MALRD1: variants seen among roughly 807,000 people sequenced by gnomAD.
MALRD1 encodes MAM and LDL-receptor class A domain-containing protein 1.
MALRD1 carries 247 observed loss-of-function variants against 242.1 expected under a neutral mutation model. That is an observed-to-expected ratio of 1.02 (90% CI 0.92 to 1.13). MALRD1 has a LOEUF of 1.13. MALRD1 is among the 50% of genes most tolerant of loss of function. The pLI, the probability that MALRD1 is intolerant of heterozygous loss-of-function variation, is 0.00. For missense variants in MALRD1, 2,989 were observed against 2,533.1 expected (o/e 1.18, Z -3.86); for synonymous variants, 995 against 866.6 (o/e 1.15, Z -2.60).
At chr10:19,681,836 G>A (rs1473206553) in intron 36 of MALRD1, among the ~76,000 whole-genome samples, 1 of 145,746 alleles carries the variant, frequency 6.9e-6, no homozygotes, top group Non-Finnish European at 1.5e-5. Context: ...CCTTTGGATG[G>A]GGTTTTTGTG....
At chr10:19,529,757 A>T (rs1049485311) in intron 31 of MALRD1, among the ~76,000 whole-genome samples, 10 of 152,092 alleles carry the variant, frequency 6.6e-5, no homozygotes, top group African/African-American at 2.4e-4. Flanking sequence ...ACACAGATTA[A>T]AAATAAAGGC....
chr10:19,287,649 T>A (rs1438592452), intron 21 of MALRD1, among the ~76,000 whole-genome samples: 1 of 152,134 alleles, frequency 6.6e-6, no homozygotes, highest in African/African-American at 2.4e-5. Flanking sequence ...ATGATTGATA[T>A]TTGGTAATGG....
chr10:19,343,517 C>T (rs1036426066), intron 24 of MALRD1, among the ~76,000 whole-genome samples: 1 of 152,092 alleles, frequency 6.6e-6, no homozygotes, highest in Admixed American at 6.6e-5. Context: ...CATCCCTAAC[C>T]TCAGGAAGCC....
chr10:19,410,000 G>C (rs1833207086), intron 28 of MALRD1, among the ~76,000 whole-genome samples: 1 of 152,058 alleles, frequency 6.6e-6, no homozygotes, highest in African/African-American at 2.4e-5. Flanking sequence ...TGTAAAATCT[G>C]TAGTCCACAA....
At chr10:19,325,538 G>A (rs16918493) in intron 22 of MALRD1, among the ~76,000 whole-genome samples, 20,608 of 151,802 alleles carry the variant, frequency 0.14, 1,431 homozygotes, top group South Asian at 0.16. Context: ...AATGCATAAA[G>A]TTCGTGAGTA....
chr10:19,177,141 A>G (rs1174149814), intron 14 of MALRD1, among the ~76,000 whole-genome samples: 1 of 151,878 alleles, frequency 6.6e-6, no homozygotes, highest in Non-Finnish European at 1.5e-5. Flanking sequence ...TAGCCAGGGC[A>G]TGGTGGCGGG....
chr10:19,444,884 A>G (rs976886274), intron 28 of MALRD1, among the ~76,000 whole-genome samples: 1 of 152,190 alleles, frequency 6.6e-6, no homozygotes, highest in Middle Eastern at 3.4e-3. Context: ...AGTTCTGGAT[A>G]ATATCCTGCA....
At position 19,567,521 on chromosome 10, in the gene MALRD1, C is replaced by CGG. The variant is rs1836309404; in HGVS notation, c.5501_5502dup (p.Leu1835GlyfsTer2). 1 of 1,550,118 alleles carries CGG rather than the reference C, an allele frequency of 6.5e-7. No individual in the cohort carries two copies. ...TTAAAGGTGTATACCATTGAAGAAT[C>CGG]GGGGCTAAACATCCTGGTGTGGTCA... On this transcript the variant is annotated frameshift_variant, in exon 33 of 40. Transcript: ENST00000454679. LOFTEE classifies it high-confidence loss of function.
chr10:19,312,374 A>ATG (rs1459998310), intron 21 of MALRD1, among the ~76,000 whole-genome samples: 28 of 89,950 alleles, frequency 3.1e-4, no homozygotes, highest in East Asian at 9.2e-4. Context: ...GCACAGAGGA[A>ATG]TGTGTATATA....
intron 10 of MALRD1, among the ~76,000 whole-genome samples, chr10:19,142,162 A>G (rs1588607037): frequency 7.9e-6 from 1 of 127,078 alleles, no homozygotes; most frequent in African/African-American, 2.9e-5. Flanking sequence ...ACAGAGCGAG[A>G]CTCTAACTCA....
intron 19 of MALRD1, among the ~76,000 whole-genome samples, chr10:19,260,741 C>T (rs1007546816): frequency 6.6e-6 from 1 of 152,042 alleles, no homozygotes; most frequent in Non-Finnish European, 1.5e-5. Context: ...GGATTAATGC[C>T]TTTATTATAC....
chr10:19,262,388 G>A (rs1317709358), intron 19 of MALRD1, among the ~76,000 whole-genome samples: 1 of 151,952 alleles, frequency 6.6e-6, no homozygotes, highest in African/African-American at 2.4e-5. Context: ...GGGCCCGGTG[G>A]CTCATGCATG....
At chr10:19,475,243 G>A (rs1309368605) in intron 29 of MALRD1, among the ~76,000 whole-genome samples, 1 of 152,040 alleles carries the variant, frequency 6.6e-6, no homozygotes, top group African/African-American at 2.4e-5. Context: ...GCGAAACCCC[G>A]TCTCTACTAA....
intron 26 of MALRD1, among the ~76,000 whole-genome samples, chr10:19,364,465 G>A (rs1011860508): frequency 6.6e-6 from 1 of 152,072 alleles, no homozygotes; most frequent in African/African-American, 2.4e-5. Context: ...TAATATATGT[G>A]TTTGTGTTTC....
chr10:19,384,645 A>G (rs1180135519), intron 26 of MALRD1, among the ~76,000 whole-genome samples: 2 of 133,934 alleles, frequency 1.5e-5, no homozygotes, highest in African/African-American at 2.8e-5. Flanking sequence ...AATATATAGT[A>G]TATATAATAT....
chr10:19,455,312 A>G (rs868596076), intron 29 of MALRD1, among the ~76,000 whole-genome samples: 3 of 152,336 alleles, frequency 2.0e-5, no homozygotes, highest in South Asian at 4.1e-4. Context: ...CTGAAATTTC[A>G]GAACGTTACT....
chr10:19,389,598 A>T lies in MALRD1; in HGVS notation c.4834A>T (p.Ile1612Phe). ...VSAKATGSIQ[I>F]LIKTEKGLSK... ...TGCAAAGGCCACAGGATCCATTCAG[A>T]TTCTCATCAAGGTAGGAACATGGCC... is the stretch of plus-strand genomic sequence containing the variant. The change falls in exon 28 of 40, where the codon ATT (isoleucine) becomes TTT (phenylalanine). Residue 1612 changes from isoleucine to phenylalanine, a missense_variant. Physicochemically the swap from Ile to Phe is conservative, Grantham distance 21. Coordinates refer to ENST00000454679, the MANE Select transcript of MALRD1 (RefSeq NM_001142308.3). 6.5e-7 allele frequency: 1 copy of T among 1,549,912 alleles called. No homozygotes were observed. Among genetic ancestry groups the T allele is most frequent in the Non-Finnish European group, 8.7e-7 (1 of 1,146,700 alleles).
upstream of MALRD1, among the ~76,000 whole-genome samples, chr10:19,048,293 CT>C (rs1179043793): frequency 1.3e-5 from 2 of 152,160 alleles, no homozygotes; most frequent in Non-Finnish European, 2.9e-5. Context: ...CCAATGTCCC[CT>C]CAACTTTTAA....
chr10:19,510,130 C>T (rs936006092), intron 31 of MALRD1, among the ~76,000 whole-genome samples: 2 of 152,152 alleles, frequency 1.3e-5, no homozygotes, highest in African/African-American at 4.8e-5. Flanking sequence ...TTTTGATGTG[C>T]ACGTACGTAA....
Sources: allele counts gnomAD v4.1 joint callset (sites outside exome capture counted in the v4.1 genomes callset), GRCh38; gene constraint gnomAD v4.1.1; transcripts MANE v1.5; gene names NCBI Gene and HGNC (gene_info 2026-07-23, HGNC 2026-07-21).